The following CNTNAP2 variants were observed in gnomAD, a reference collection of about 807,000 sequenced individuals.
CNTNAP2 encodes contactin-associated protein-like 2.
Under a neutral mutation model 155.2 loss-of-function variants are expected in CNTNAP2, and 98 were observed. The observed-to-expected ratio is 0.63, with a 90% CI of 0.54 to 0.75. CNTNAP2 has a LOEUF of 0.75. Among genes scored for constraint, CNTNAP2 ranks in the 30% least tolerant of loss-of-function variants. The pLI, the probability that CNTNAP2 is intolerant of heterozygous loss-of-function variation, is 0.00. For missense variants in CNTNAP2, 1,727 were observed against 1,688.1 expected, an observed-to-expected ratio of 1.02 and a Z score of -0.40; for synonymous variants, 651 against 631.2, an observed-to-expected ratio of 1.03 and a Z score of -0.47.
At position 146,843,726 on chromosome 7, in the gene CNTNAP2, T is replaced by C. The variant is rs568673219; in HGVS notation, c.402+3822T>C. Among the ~76,000 whole-genome samples, 10 of 151,292 alleles carry C rather than the reference T, an allele frequency of 6.6e-5. No homozygotes were observed. In the South Asian group the frequency reaches 2.1e-3, roughly 31 times the overall value. ...CATTAAGTGATTAAAATTTAGCATT[T>C]ACAAATTTCAAAAAAAAGTACTCTT... On this transcript the variant is annotated intron_variant, in intron 3 of 23. Transcript: ENST00000361727.
intron 10 of CNTNAP2, among the ~76,000 whole-genome samples, chr7:147,430,658 A>G (rs1188657996): frequency 6.6e-6 from 1 of 152,220 alleles, no homozygotes; most frequent in Non-Finnish European, 1.5e-5. Flanking sequence ...GCAATTAAAC[A>G]GTAAAGAAAT....
At chr7:146,968,125 T>C (rs1327635301) in intron 3 of CNTNAP2, among the ~76,000 whole-genome samples, 2 of 151,214 alleles carry the variant, frequency 1.3e-5, no homozygotes. Flanking sequence ...TTGATTTGCA[T>C]ATATTGAACC....
intron 13 of CNTNAP2, among the ~76,000 whole-genome samples, chr7:147,851,913 TAATAAG>T (rs1447983211): frequency 1.3e-5 from 2 of 151,738 alleles, no homozygotes; most frequent in African/African-American, 4.8e-5. Context: ...ATATAATAAA[TAATAAG>T]AATAATAATA....
intron 8 of CNTNAP2, among the ~76,000 whole-genome samples, chr7:147,195,474 G>A (rs1802772514): frequency 6.6e-6 from 1 of 152,016 alleles, no homozygotes; most frequent in Admixed American, 6.6e-5. Flanking sequence ...GTCACTAGTA[G>A]TTTCATGGGA....
intron 1 of CNTNAP2, among the ~76,000 whole-genome samples, chr7:146,222,853 G>C (rs1488114584): frequency 6.6e-6 from 1 of 151,748 alleles, no homozygotes. Context: ...TAGAGACGGG[G>C]TTTTACCATG....
intron 3 of CNTNAP2, among the ~76,000 whole-genome samples, chr7:146,903,862 T>G (rs772325421): frequency 6.6e-6 from 1 of 152,198 alleles, no homozygotes; most frequent in Non-Finnish European, 1.5e-5. Flanking sequence ...AAGAATAGAT[T>G]GTTAACATTT....
intron 1 of CNTNAP2, among the ~76,000 whole-genome samples, chr7:146,673,526 G>C (rs2109278): frequency 0.81 from 123,063 of 152,124 alleles, 50,387 homozygotes; most frequent in South Asian, 0.91. Context: ...TGTAAACAGA[G>C]TATAGCCTAC....
intron 1 of CNTNAP2, among the ~76,000 whole-genome samples, chr7:146,333,464 C>T (rs1004153551): frequency 6.6e-5 from 10 of 151,990 alleles, no homozygotes; most frequent in Admixed American, 1.3e-4. Context: ...ATCTCATGCC[C>T]GGAAAAAAAG....
At chr7:147,011,336 C>G (rs1798618661) in intron 3 of CNTNAP2, among the ~76,000 whole-genome samples, 1 of 148,250 alleles carries the variant, frequency 6.7e-6, no homozygotes, top group African/African-American at 2.5e-5. Flanking sequence ...ATCACTTGAA[C>G]CTGGGAGGCG....
At chr7:146,396,293 G>T (rs1795626059) in intron 1 of CNTNAP2, among the ~76,000 whole-genome samples, 1 of 151,936 alleles carries the variant, frequency 6.6e-6, no homozygotes, top group South Asian at 2.1e-4. Flanking sequence ...TTCCTAACTT[G>T]CATACTTCAT....
rs957618597 is a variant in CNTNAP2 at position 146,440,731 on chromosome 7, TC to T, written c.97+323759del. Among the ~76,000 whole-genome samples, 26 of 151,738 alleles carry T rather than the reference TC, an allele frequency of 1.7e-4. 1 individual carries two copies. The highest frequency in any genetic ancestry group is 6.3e-4 in the African/African-American group (26 of 41,000). ...AGTACTGTTTGGTATTTTTCCCAAA[TC>T]TTTTATACCACAACCCGGAAGTACC... On this transcript the variant is annotated intron_variant, in intron 1 of 23. Coordinates refer to ENST00000361727, the MANE Select transcript of CNTNAP2 (RefSeq NM_014141.6).
intron 1 of CNTNAP2, among the ~76,000 whole-genome samples, chr7:146,235,946 A>G (rs985130702): frequency 1.4e-5 from 2 of 142,958 alleles, no homozygotes; most frequent in Non-Finnish European, 3.0e-5. Context: ...CATAGTACAT[A>G]TGGAAATGTG....
chr7:147,240,605 C>G (rs1020024473), intron 8 of CNTNAP2, among the ~76,000 whole-genome samples: 2 of 152,082 alleles, frequency 1.3e-5, no homozygotes, highest in African/African-American at 2.4e-5. Flanking sequence ...CTGTGGTGTT[C>G]GAGTTCCCTC....
chr7:147,814,915 A>G (rs1285073053), intron 13 of CNTNAP2, among the ~76,000 whole-genome samples: 2 of 152,216 alleles, frequency 1.3e-5, no homozygotes, highest in East Asian at 3.8e-4. Flanking sequence ...TTTGTTAATA[A>G]TATACCTAGT....
At chr7:147,102,992 T>A (rs1800686112) in intron 4 of CNTNAP2, among the ~76,000 whole-genome samples, 1 of 152,170 alleles carries the variant, frequency 6.6e-6, no homozygotes, top group African/African-American at 2.4e-5. Flanking sequence ...CAAGTATATT[T>A]GTAGTTGTAG....
At chr7:146,539,191 G>C (rs1284486391) in intron 1 of CNTNAP2, among the ~76,000 whole-genome samples, 1 of 152,006 alleles carries the variant, frequency 6.6e-6, no homozygotes, top group African/African-American at 2.4e-5. Flanking sequence ...TATATCCCTT[G>C]TGTAGATGTA....
chr7:148,226,637 G>A (rs1251617645), intron 19 of CNTNAP2, among the ~76,000 whole-genome samples: 2 of 151,848 alleles, frequency 1.3e-5, no homozygotes, highest in African/African-American at 2.4e-5. Context: ...CTGGAAAGGG[G>A]AAAAAAAATG....
chr7:148,211,561 C>T (rs925971249), intron 18 of CNTNAP2, among the ~76,000 whole-genome samples: 26 of 152,124 alleles, frequency 1.7e-4, no homozygotes, highest in African/African-American at 5.1e-4. Context: ...GCAGTATTGA[C>T]ATCATGGGAA....
intron 13 of CNTNAP2, among the ~76,000 whole-genome samples, chr7:147,746,493 A>G (rs1409858849): frequency 6.6e-6 from 1 of 152,122 alleles, no homozygotes; most frequent in Admixed American, 6.6e-5. Context: ...CGTGATCAAT[A>G]AAATCTTCCC....
Sources: gnomAD v4.1 joint callset for allele counts (sites outside exome capture counted in the v4.1 genomes callset) on GRCh38, gnomAD v4.1.1 for gene constraint, MANE v1.5 for transcripts, NCBI Gene and HGNC (gene_info 2026-07-23, HGNC 2026-07-21) for gene names.